Variants in INTS9 observed in about 807,000 individuals in gnomAD.
INTS9 encodes the protein integrator complex subunit 9.
INTS9 carries 55 observed loss-of-function variants against 79.7 expected under a neutral mutation model. The ratio of observed to expected loss-of-function variants is 0.69; its 90% CI spans 0.56 to 0.86. The LOEUF (loss-of-function observed/expected upper bound fraction) is 0.86, where lower values mean the gene tolerates loss of function less well. Among genes scored for constraint, INTS9 ranks in the 40% least tolerant of loss-of-function variants. INTS9 has a pLI of 0.00. For synonymous variants in INTS9, 319 were observed against 325.2 expected (o/e 0.98, Z 0.20); for missense variants, 721 against 831.5 (o/e 0.87, Z 1.64).
Position 28,875,624 on chromosome 8 carries a change from G to A in INTS9, c.9+14250C>T, listed in dbSNP as rs55655963. 3.4e-3 allele frequency among the ~76,000 whole-genome samples: 521 copies of A among 152,218 alleles called. 1 individual carries two copies. Among genetic ancestry groups the A allele is most frequent in the Middle Eastern group, 6.8e-3 (2 of 294 alleles). ...TAGGTATTAAGCCCAGAATCCATTA[G>A]CTATTCTTCCTGATGCTCTCCCTCC... On this transcript the variant is annotated intron_variant, in intron 1 of 16. Transcript: ENST00000521022.
chr8:28,878,299 G>A (rs528626872), intron 1 of INTS9, among the ~76,000 whole-genome samples: 1 of 152,006 alleles, frequency 6.6e-6, no homozygotes, highest in Admixed American at 6.6e-5. Flanking sequence ...CTGAAAGAGT[G>A]GGAGGGAATC....
intron 8 of INTS9, among the ~76,000 whole-genome samples, chr8:28,806,350 T>G (rs1370644919): frequency 6.6e-6 from 1 of 152,166 alleles, no homozygotes; most frequent in Non-Finnish European, 1.5e-5. Flanking sequence ...ATAAAAAGAA[T>G]AACTGATTGA....
Position 28,859,548 on chromosome 8 carries a change from G to A in INTS9, c.25C>T (p.His9Tyr). Reference sequence around the variant, plus strand: ...AGCACATTGCATGGTAAGGTTGGGTGCCCTGACAGGCAATACTGAAAAAAA... The same window carrying A: ...AGCACATTGCATGGTAAGGTTGGGTACCCTGACAGGCAATACTGAAAAAAA... Reference protein sequence around the residue: MKLYCLSGHPTLPCNVLKF... With the variant: MKLYCLSGYPTLPCNVLKF... The change falls in exon 2 of 17, where the codon CAC (histidine) becomes TAC (tyrosine). Residue 9 changes from histidine to tyrosine, a missense_variant. By Grantham distance (83) the His-to-Tyr change is moderately conservative. Transcript: ENST00000521022. 1 of 1,614,086 alleles carries A rather than the reference G, an allele frequency of 6.2e-7. No homozygotes were observed. The highest frequency in any genetic ancestry group is 8.5e-7 in the Non-Finnish European group (1 of 1,179,956).
At chr8:28,852,814 C>T (rs1807920322) in intron 2 of INTS9, among the ~76,000 whole-genome samples, 1 of 152,178 alleles carries the variant, frequency 6.6e-6, no homozygotes, top group South Asian at 2.1e-4. Context: ...CCTATTATAC[C>T]TGGGTGGTTA....
intron 8 of INTS9, among the ~76,000 whole-genome samples, chr8:28,799,207 A>G (rs1217671114): frequency 6.6e-6 from 1 of 152,146 alleles, no homozygotes; most frequent in Non-Finnish European, 1.5e-5. Context: ...GAAGCAGGAG[A>G]ATTGTTTGAA....
chr8:28,881,285 A>C (rs867239835), intron 1 of INTS9, among the ~76,000 whole-genome samples: 976 of 69,554 alleles, frequency 0.014, no homozygotes, highest in Admixed American at 0.015. Context: ...CCAGCCGCCC[A>C]GTCCGGGAGG....
chr8:28,882,473 TAG>T (rs1809922191), intron 1 of INTS9, among the ~76,000 whole-genome samples: 5 of 54,922 alleles, frequency 9.1e-5, no homozygotes, highest in African/African-American at 2.5e-4. Context: ...AAAAAAAAAA[TAG>T]AAATAAAATA....
intron 8 of INTS9, among the ~76,000 whole-genome samples, chr8:28,801,514 CA>C (rs1195287726): frequency 3.3e-5 from 5 of 149,756 alleles, no homozygotes; most frequent in Non-Finnish European, 5.9e-5. Flanking sequence ...AACAAAAAAA[CA>C]AAAAAAACCC....
At position 28,836,956 on chromosome 8, in the gene INTS9, C is replaced by CA. The variant is rs948708654; in HGVS notation, c.401+680dup. On this transcript the variant is annotated intron_variant, in intron 5 of 16. Transcript: ENST00000521022. ...TTATACCGTACTTATTAATTTATTT[C>CA]AAAAAAAATAAATTGACAAATTTTT... Among the ~76,000 whole-genome samples, 68 of 151,846 alleles carry CA rather than the reference C, an allele frequency of 4.5e-4. No individual in the cohort carries two copies. In the Middle Eastern group the frequency reaches 0.01, roughly 23 times the overall value.
rs775437975 is a variant in INTS9 at position 28,835,313 on chromosome 8, C to A, written c.467G>T (p.Trp156Leu). 6.2e-7 allele frequency: 1 copy of A among 1,613,310 alleles called. No homozygotes were observed. Among genetic ancestry groups the A allele is most frequent in the South Asian group, 1.1e-5 (1 of 91,036 alleles). Residue 156 changes from tryptophan (W) to leucine (L), a missense_variant, in exon 6 of 17, where the codon TGG becomes TTG. Trp to Leu is a moderately conservative substitution (Grantham distance 61, BLOSUM62 -2). Coordinates refer to ENST00000521022, the MANE Select transcript of INTS9 (RefSeq NM_018250.4). ...RVPKAQSASL[W>L]KNKDIQRLLP... ...TCACCTCTGAATGTCCTTATTCTTC[C>A]ACAAGGAGGCAGACTGAGCCTTTGG...
chr8:28,871,099 T>C (rs1435118797), intron 1 of INTS9, among the ~76,000 whole-genome samples: 1 of 152,194 alleles, frequency 6.6e-6, no homozygotes. Flanking sequence ...GGCTTTTCAA[T>C]GGAAAAACTT....
intron 16 of INTS9, among the ~76,000 whole-genome samples, chr8:28,769,189 C>T (rs17059384): frequency 0.063 from 9,639 of 152,242 alleles, 964 homozygotes; most frequent in African/African-American, 0.22. Flanking sequence ...AAGTCGGCAA[C>T]TGTGATATTT....
In INTS9 at chr8:28,796,661, A is replaced by G; in HGVS notation, c.745-6T>C. ...AGAGAAGCTTGGTCCATGGGCTGAA[A>G]AAGAACACAGAAATATGGTTAGTAA... On this transcript the variant is annotated splice_polypyrimidine_tract_variant and splice_region_variant and intron_variant, in intron 8 of 16. Transcript: ENST00000521022. The G allele has an allele frequency of 1.9e-6, 3 of 1,563,820 alleles. No individual in the cohort carries two copies. The highest frequency in any genetic ancestry group is 2.2e-5 in the East Asian group (1 of 44,650).
At chr8:28,786,875 G>A (rs1169103101) in intron 11 of INTS9, among the ~76,000 whole-genome samples, 2 of 152,034 alleles carry the variant, frequency 1.3e-5, no homozygotes, top group African/African-American at 2.4e-5. Flanking sequence ...CCGCCACCAC[G>A]CCTGGCTAAT....
At chr8:28,883,076 G>T (rs890170030) in intron 1 of INTS9, among the ~76,000 whole-genome samples, 5 of 152,102 alleles carry the variant, frequency 3.3e-5, no homozygotes, top group African/African-American at 1.2e-4. Flanking sequence ...TCTTAGCCCT[G>T]CCTGATGTGT....
chr8:28,822,500 CAG>C (rs1272693416), intron 6 of INTS9, among the ~76,000 whole-genome samples: 1 of 152,068 alleles, frequency 6.6e-6, no homozygotes, highest in Non-Finnish European at 1.5e-5. Context: ...TTTATAAAAA[CAG>C]TGGTGGGCCA....
intron 4 of INTS9, among the ~76,000 whole-genome samples, chr8:28,841,041 G>A (rs1187229694): frequency 6.6e-6 from 1 of 151,548 alleles, no homozygotes; most frequent in East Asian, 1.9e-4. Flanking sequence ...GTATTTTCCA[G>A]CTGAGTAACT....
At chr8:28,848,491 C>G (rs1445067735) in intron 3 of INTS9, among the ~76,000 whole-genome samples, 5 of 152,150 alleles carry the variant, frequency 3.3e-5, no homozygotes, top group African/African-American at 1.2e-4. Context: ...AGATGAGTAC[C>G]ATTTAACTAG....
intron 1 of INTS9, among the ~76,000 whole-genome samples, chr8:28,884,335 C>A (rs1194387411): frequency 6.6e-6 from 1 of 151,728 alleles, no homozygotes; most frequent in African/African-American, 2.4e-5. Flanking sequence ...GGGCACAAGA[C>A]ACCAGGCCTA....
Sources: allele counts gnomAD v4.1 joint callset (sites outside exome capture counted in the v4.1 genomes callset), GRCh38; gene constraint gnomAD v4.1.1; transcripts MANE v1.5; gene names NCBI Gene and HGNC (gene_info 2026-07-23, HGNC 2026-07-21).